The following UGT1A8 variants were observed in gnomAD, a reference collection of about 807,000 sequenced individuals.
UGT1A8 encodes UDP-glucuronosyltransferase 1A8.
A neutral mutation model predicts 45.3 loss-of-function variants in UGT1A8; 39 were observed. That is an observed-to-expected ratio of 0.86 (90% CI 0.67 to 1.12). The LOEUF is 1.12. UGT1A8 is among the 50% of genes most tolerant of loss of function. The pLI, the probability that UGT1A8 is intolerant of heterozygous loss-of-function variation, is 0.00. For missense variants in UGT1A8, 719 were observed against 664.9 expected, an observed-to-expected ratio of 1.08 and a Z score of -0.90; for synonymous variants, 275 against 249.2, an observed-to-expected ratio of 1.10 and a Z score of -0.97.
chr2:233,673,532 A>G (rs1354332041), intron 1 of UGT1A8, among the ~76,000 whole-genome samples: 3 of 152,126 alleles, frequency 2.0e-5, no homozygotes, highest in Non-Finnish European at 4.4e-5. Context: ...CAGGATTTCC[A>G]TGAATTGAGA....
chr2:233,751,468 G>T (rs1694737007), intron 1 of UGT1A8, among the ~76,000 whole-genome samples: 1 of 152,190 alleles, frequency 6.6e-6, no homozygotes, highest in African/African-American at 2.4e-5. Flanking sequence ...AGGCACGATT[G>T]GTTTTGAAAT....
intron 1 of UGT1A8, among the ~76,000 whole-genome samples, chr2:233,675,871 C>T (rs2074338080): frequency 6.6e-6 from 1 of 152,134 alleles, no homozygotes; most frequent in South Asian, 2.1e-4. Flanking sequence ...AAATTTGTTA[C>T]ATAGCCACAA....
intron 1 of UGT1A8, chr2:233,636,494 C>A (rs775507375): frequency 5.3e-5 from 85 of 1,596,284 alleles, no homozygotes; most frequent in Non-Finnish European, 6.3e-5. Context: ...CTTAGAATCC[C>A]AGCTGCTGGC....
intron 1 of UGT1A8, among the ~76,000 whole-genome samples, chr2:233,653,234 A>T (rs561525159): frequency 3.5e-4 from 53 of 152,310 alleles, no homozygotes; most frequent in Admixed American, 3.0e-3. Flanking sequence ...TTAAAAGGGG[A>T]TTTATTTGAA....
At chr2:233,743,979 A>G (rs1692622611) in intron 1 of UGT1A8, 33 of 1,306,002 alleles carry the variant, frequency 2.5e-5, no homozygotes, top group South Asian at 6.3e-5. Context: ...GCCAGCACCC[A>G]GGCGCAGGCC....
At chr2:233,759,064 G>A (rs1398718835) in intron 1 of UGT1A8, among the ~76,000 whole-genome samples, 2 of 152,146 alleles carry the variant, frequency 1.3e-5, no homozygotes, top group Non-Finnish European at 2.9e-5. Flanking sequence ...CTCTGAAAAG[G>A]AATTTGGAAG....
chr2:233,631,440 T>C (rs1575387136), intron 1 of UGT1A8, among the ~76,000 whole-genome samples: 2 of 152,320 alleles, frequency 1.3e-5, no homozygotes, highest in African/African-American at 4.8e-5. Context: ...GTTGAACTAA[T>C]TTACACTCCC....
At chr2:233,659,682 A>G (rs1485353377) in intron 1 of UGT1A8, among the ~76,000 whole-genome samples, 1 of 152,174 alleles carries the variant, frequency 6.6e-6, no homozygotes, top group Non-Finnish European at 1.5e-5. Flanking sequence ...ATGGAAATAC[A>G]TCATAATTAC....
intron 1 of UGT1A8, among the ~76,000 whole-genome samples, chr2:233,716,765 C>T (rs542066726): frequency 6.6e-6 from 1 of 152,294 alleles, no homozygotes; most frequent in African/African-American, 2.4e-5. Context: ...AGCTAGATCA[C>T]TCAGGTCAGG....
intron 1 of UGT1A8, among the ~76,000 whole-genome samples, chr2:233,623,468 T>TACAAA (rs1458194171): frequency 7.2e-5 from 11 of 152,210 alleles, no homozygotes; most frequent in Non-Finnish European, 1.6e-4. Flanking sequence ...TTCCTAGGTG[T>TACAAA]TTTATTCTCT....
intron 1 of UGT1A8, among the ~76,000 whole-genome samples, chr2:233,662,458 T>C (rs546869435): frequency 1.9e-4 from 29 of 152,354 alleles, no homozygotes; most frequent in African/African-American, 6.5e-4. Flanking sequence ...AGTAACCATT[T>C]ATATAAATGA....
At chr2:233,732,788 G>T (rs1197919428) in intron 1 of UGT1A8, among the ~76,000 whole-genome samples, 1 of 148,664 alleles carries the variant, frequency 6.7e-6, no homozygotes, top group Non-Finnish European at 1.5e-5. Context: ...GATTGTCTTG[G>T]CAATGCAGGC....
intron 1 of UGT1A8, among the ~76,000 whole-genome samples, chr2:233,658,947 A>G (rs2073910829): frequency 1.3e-5 from 2 of 152,124 alleles, no homozygotes; most frequent in African/African-American, 4.8e-5. Flanking sequence ...TTCTGTATGA[A>G]TTTTAGAGTC....
chr2:233,618,193 C>A lies in UGT1A8; in HGVS notation c.486C>A (p.Ser162=). The A allele has an allele frequency of 6.2e-7, 1 of 1,613,968 alleles. No individual in the cohort carries two copies. Among genetic ancestry groups the A allele is most frequent in the Non-Finnish European group, 8.5e-7 (1 of 1,179,998 alleles). Residue 162 remains serine (S), a synonymous_variant, in exon 1 of 5, where the codon TCC becomes TCA. Coordinates refer to ENST00000373450, the MANE Select transcript of UGT1A8 (RefSeq NM_019076.5). ...GCTTAATTGTTGCCAAATATTTCTC[C>A]CTCCCCTCTGTGGTCTTCGCCAGGG... ...ACGLIVAKYF[S]LPSVVFARGI... is the part of the protein sequence containing the mutation.
chr2:233,654,308 T>C (rs2073806274), intron 1 of UGT1A8, among the ~76,000 whole-genome samples: 1 of 152,218 alleles, frequency 6.6e-6, no homozygotes, highest in Non-Finnish European at 1.5e-5. Context: ...ATTTGGATCC[T>C]TAGGGAATCA....
intron 1 of UGT1A8, among the ~76,000 whole-genome samples, chr2:233,707,487 C>G (rs557810076): frequency 6.7e-6 from 1 of 149,442 alleles, no homozygotes; most frequent in East Asian, 2.0e-4. Context: ...ATGATTTTAC[C>G]TGTTTCGGTA....
intron 1 of UGT1A8, among the ~76,000 whole-genome samples, chr2:233,634,909 C>A (rs560169392): frequency 2.0e-5 from 3 of 150,884 alleles, no homozygotes; most frequent in African/African-American, 7.4e-5. Context: ...ATTGTCCTGA[C>A]AATTGGGTAT....
At chr2:233,749,352 A>G (rs1249792542) in intron 1 of UGT1A8, among the ~76,000 whole-genome samples, 1 of 151,892 alleles carries the variant, frequency 6.6e-6, no homozygotes, top group Non-Finnish European at 1.5e-5. Context: ...TGGAATTTAA[A>G]TAGTGACTCT....
At chr2:233,687,735 T>C (rs2074861022) in intron 1 of UGT1A8, among the ~76,000 whole-genome samples, 1 of 151,990 alleles carries the variant, frequency 6.6e-6, no homozygotes, top group Non-Finnish European at 1.5e-5. Flanking sequence ...AGACACTGTC[T>C]CTACAAAAAA....
Sources: allele counts gnomAD v4.1 joint callset (sites outside exome capture counted in the v4.1 genomes callset), GRCh38; gene constraint gnomAD v4.1.1; transcripts MANE v1.5; gene names NCBI Gene and HGNC (gene_info 2026-07-23, HGNC 2026-07-21).